RPGRIP1L: variants seen among roughly 807,000 people sequenced by gnomAD.
The protein encoded by RPGRIP1L is RPGRIP1 like.
A neutral mutation model predicts 160.4 loss-of-function variants in RPGRIP1L; 131 were observed. The observed-to-expected ratio is 0.82, with a 90% CI of 0.71 to 0.94. The LOEUF (loss-of-function observed/expected upper bound fraction) is 0.94. RPGRIP1L is among the 40% of genes least tolerant of loss of function. The pLI is 0.00. For missense variants in RPGRIP1L, 1,522 were observed against 1,535.8 expected (o/e 0.99, Z 0.15); for synonymous variants, 510 against 515.8 (o/e 0.99, Z 0.15).
At chr16:53,640,824 A>C (rs1966163711) in intron 19 of RPGRIP1L, among the ~76,000 whole-genome samples, 2 of 152,064 alleles carry the variant, frequency 1.3e-5, no homozygotes, top group Admixed American at 6.6e-5. Flanking sequence ...AGCTAGAGAG[A>C]GGTAAGGGCC....
At chr16:53,610,608 T>A (rs1187620149) in intron 25 of RPGRIP1L, among the ~76,000 whole-genome samples, 2 of 152,224 alleles carry the variant, frequency 1.3e-5, no homozygotes, top group Non-Finnish European at 2.9e-5. Flanking sequence ...AGTCAGCTAG[T>A]AAGCAATAAG....
intron 9 of RPGRIP1L, among the ~76,000 whole-genome samples, chr16:53,669,586 C>A (rs892648805): frequency 6.6e-6 from 1 of 151,778 alleles, no homozygotes; most frequent in African/African-American, 2.4e-5. Flanking sequence ...TACATTATTC[C>A]CAGGTAAGTT....
chr16:53,620,927 T>C (rs763940344), intron 23 of RPGRIP1L, among the ~76,000 whole-genome samples: 45 of 152,226 alleles, frequency 3.0e-4, no homozygotes, highest in Non-Finnish European at 4.4e-4. Flanking sequence ...TTAAGTCTTC[T>C]ACATAAGTTG....
chr16:53,692,401 A>C, intron 3 of RPGRIP1L, 37 bp from the exon 4 acceptor site: 1 of 1,578,362 alleles, frequency 6.3e-7, no homozygotes, highest in South Asian at 1.1e-5. Flanking sequence ...GGAATGTGAG[A>C]AGTCAGCATA....
In RPGRIP1L at chr16:53,624,081, G is replaced by T. The variant is rs184526866; in HGVS notation, c.3295-1725C>A. Among the ~76,000 whole-genome samples the T allele has an allele frequency of 3.9e-5, 6 of 152,058 alleles. No homozygotes were observed. The South Asian group carries it at 1.2e-3, about 32-fold the overall frequency. ...TATTTTTTAAATTTTTTGTAGAGAC[G>T]GGGTTTCACTATGTTGCCCGGACTG... On this transcript the variant is annotated intron_variant, in intron 22 of 26. Coordinates refer to ENST00000647211, the MANE Select transcript of RPGRIP1L (RefSeq NM_015272.5).
intron 2 of RPGRIP1L, among the ~76,000 whole-genome samples, chr16:53,696,717 C>G (rs545278177): frequency 6.6e-6 from 1 of 152,184 alleles, no homozygotes; most frequent in South Asian, 2.1e-4. Flanking sequence ...TTTTTCTGTG[C>G]TATGAGTGTC....
At chr16:53,633,298 A>G (rs973180233) in intron 22 of RPGRIP1L, among the ~76,000 whole-genome samples, 16 of 152,256 alleles carry the variant, frequency 1.1e-4, no homozygotes, top group Non-Finnish European at 2.1e-4. Context: ...ACCTCCTGAT[A>G]TGATGCAATG....
intron 14 of RPGRIP1L, chr16:53,653,231 A>G: frequency 3.8e-6 from 3 of 796,428 alleles, no homozygotes; most frequent in Non-Finnish European, 4.6e-6. Flanking sequence ...GCCAGGAAAA[A>G]GGGGAGAAAA....
At chr16:53,620,443 T>C (rs542092393) in intron 23 of RPGRIP1L, among the ~76,000 whole-genome samples, 1 of 152,322 alleles carries the variant, frequency 6.6e-6, no homozygotes, top group African/African-American at 2.4e-5. Context: ...AGTAGATTCA[T>C]GGAAATTTTA....
chr16:53,606,763 G>A (rs936287773), intron 25 of RPGRIP1L, among the ~76,000 whole-genome samples: 11 of 151,998 alleles, frequency 7.2e-5, no homozygotes, highest in East Asian at 1.9e-4. Flanking sequence ...ACAGGTGCCC[G>A]CCACCACATC....
intron 6 of RPGRIP1L, among the ~76,000 whole-genome samples, chr16:53,684,171 G>A (rs971125541): frequency 6.6e-6 from 1 of 152,150 alleles, no homozygotes; most frequent in Non-Finnish European, 1.5e-5. Flanking sequence ...CAACCATTGT[G>A]GAAGTCAGTG....
intron 7 of RPGRIP1L, 52 bp downstream of exon 7, chr16:53,674,965 T>C: frequency 6.5e-6 from 8 of 1,237,526 alleles, no homozygotes; most frequent in Admixed American, 3.5e-5. Context: ...AATACTACTT[T>C]TGAATCCTTT....
chr16:53,653,259 G>A (rs762585842), intron 14 of RPGRIP1L: 22 of 922,178 alleles, frequency 2.4e-5, no homozygotes, highest in Non-Finnish European at 2.7e-5. Context: ...AAGAAGAAAA[G>A]CGCTCTTAAT....
chr16:53,626,025 G>T (rs925817567), intron 22 of RPGRIP1L, among the ~76,000 whole-genome samples: 1 of 151,500 alleles, frequency 6.6e-6, no homozygotes, highest in Non-Finnish European at 1.5e-5. Flanking sequence ...AGGGTCCTCT[G>T]CCTAGGAAAA....
chr16:53,682,643 G>A (rs1279228740), intron 6 of RPGRIP1L, among the ~76,000 whole-genome samples: 2 of 152,126 alleles, frequency 1.3e-5, no homozygotes, highest in African/African-American at 4.8e-5. Flanking sequence ...GATGGGGACT[G>A]CCCCAAGCTT....
intron 3 of RPGRIP1L, chr16:53,693,501 G>C (rs954456638): frequency 2.6e-5 from 4 of 152,084 alleles, no homozygotes; most frequent in Non-Finnish European, 5.9e-5. Flanking sequence ...CTGGCTACTC[G>C]GCCTACAGCA....
chr16:53,623,573 G>A (rs1234115457), intron 22 of RPGRIP1L, among the ~76,000 whole-genome samples: 1 of 152,112 alleles, frequency 6.6e-6, no homozygotes, highest in African/African-American at 2.4e-5. Flanking sequence ...TTTTGCATCT[G>A]TTATTTATTG....
chr16:53,641,290 C>G lies in RPGRIP1L; in HGVS notation c.2869G>C (p.Val957Leu). The G allele has an allele frequency of 6.2e-7, 1 of 1,613,714 alleles. No individual in the cohort carries two copies. The highest frequency in any genetic ancestry group is 8.5e-7 in the Non-Finnish European group (1 of 1,179,800). Residue 957 changes from valine to leucine, a missense_variant, in exon 18 of 27, where the codon GTT becomes CTT. Coordinates refer to ENST00000647211, the MANE Select transcript of RPGRIP1L (RefSeq NM_015272.5). The stretch of plus-strand genomic sequence containing the variant: ...TAAAAGTCACTGATACTCACTAAAA[C>G]TAGTGTGCTAACAGAGGATGCTGGA... ...LPPASSVSTLVLAPRPKPRQR... is the reference protein window; with the variant it reads ...LPPASSVSTLLLAPRPKPRQR...
chr16:53,656,599 A>T lies in RPGRIP1L; in HGVS notation c.1582-10T>A. The T allele has an allele frequency of 6.5e-7, 1 of 1,548,938 alleles. No individual in the cohort carries two copies. Among genetic ancestry groups the T allele is most frequent in the Non-Finnish European group, 8.9e-7 (1 of 1,120,620 alleles). ...CTGCCTCAACCTCCATCTACAAAAT[A>T]AGGGAAAATAAGTTTTAATACTTAT... On this transcript the variant is annotated splice_polypyrimidine_tract_variant and intron_variant, in intron 13 of 26. Transcript: ENST00000647211.
Sources: gnomAD v4.1 joint callset for allele counts (sites outside exome capture counted in the v4.1 genomes callset) on GRCh38, gnomAD v4.1.1 for gene constraint, MANE v1.5 for transcripts, NCBI Gene and HGNC (gene_info 2026-07-23, HGNC 2026-07-21) for gene names.